Variants in SRRM4 observed in about 807,000 individuals in gnomAD.
The protein encoded by SRRM4 is serine/arginine repetitive matrix 4.
In SRRM4, 33 loss-of-function variants were observed where a neutral mutation model predicts 68.9. That is an observed-to-expected ratio of 0.48 (90% CI 0.36 to 0.64). The LOEUF (loss-of-function observed/expected upper bound fraction) is 0.64. SRRM4 is among the 30% of genes least tolerant of loss of function. The probability of loss-of-function intolerance (pLI) is 0.00; values close to 1 mark genes in which losing one functional copy is unlikely to be tolerated. For missense variants in SRRM4, 817 were observed against 827.1 expected, an observed-to-expected ratio of 0.99 and a Z score of 0.15; for synonymous variants, 318 against 318.8, an observed-to-expected ratio of 1.00 and a Z score of 0.03.
chr12:119,047,983 T>C (rs555075313), intron 1 of SRRM4, among the ~76,000 whole-genome samples: 1 of 152,362 alleles, frequency 6.6e-6, no homozygotes, highest in African/African-American at 2.4e-5. Context: ...GCAGTTCTTA[T>C]AAGAGACAAA....
chr12:119,138,397 C>A (rs747326597), intron 8 of SRRM4, among the ~76,000 whole-genome samples: 1 of 152,124 alleles, frequency 6.6e-6, no homozygotes, highest in Non-Finnish European at 1.5e-5. Flanking sequence ...CACTTCGGGG[C>A]GCATGGCTGA....
intron 1 of SRRM4, among the ~76,000 whole-genome samples, chr12:119,009,763 A>G (rs1315155457): frequency 6.6e-6 from 1 of 152,206 alleles, no homozygotes; most frequent in Non-Finnish European, 1.5e-5. Flanking sequence ...AGTCAGGGAT[A>G]CAAGAGAATG....
intron 1 of SRRM4, among the ~76,000 whole-genome samples, chr12:118,982,330 G>A (rs746492903): frequency 1.1e-4 from 17 of 152,180 alleles, no homozygotes; most frequent in Non-Finnish European, 1.5e-5. Context: ...GTGTCACAGA[G>A]TCCAGAGGGC....
chr12:119,046,059 A>G (rs2136014498), intron 1 of SRRM4, among the ~76,000 whole-genome samples: 2 of 151,136 alleles, frequency 1.3e-5, no homozygotes, highest in African/African-American at 4.8e-5. Flanking sequence ...ATAAAATTAA[A>G]AATAATAATA....
intron 1 of SRRM4, among the ~76,000 whole-genome samples, chr12:118,982,797 G>T (rs1268385930): frequency 1.3e-5 from 2 of 149,712 alleles, no homozygotes; most frequent in Non-Finnish European, 3.0e-5. Flanking sequence ...AGAAATGAAA[G>T]AAACAGGGGA....
At chr12:119,083,713 G>T (rs1416915934) in intron 1 of SRRM4, among the ~76,000 whole-genome samples, 1 of 152,196 alleles carries the variant, frequency 6.6e-6, no homozygotes, top group African/African-American at 2.4e-5. Flanking sequence ...TTGCTGGTCA[G>T]CTGGTGCTTT....
intron 1 of SRRM4, among the ~76,000 whole-genome samples, chr12:119,049,936 A>C (rs1334626677): frequency 6.6e-6 from 1 of 152,224 alleles, no homozygotes; most frequent in African/African-American, 2.4e-5. Flanking sequence ...TCACATTTTA[A>C]AAGGTCCTAT....
chr12:119,123,101 G>A (rs1954233065), intron 6 of SRRM4, among the ~76,000 whole-genome samples: 1 of 152,192 alleles, frequency 6.6e-6, no homozygotes. Context: ...CTTCTAAAGA[G>A]AGGATCAAAG....
rs114227291 is a variant in SRRM4, at chr12:119,010,581, C to T, written c.131+28568C>T. Among the ~76,000 whole-genome samples the T allele has an allele frequency of 3.1e-3, 470 of 152,326 alleles. 2 individuals carry two copies. The highest frequency in any genetic ancestry group is 0.01 in the African/African-American group (421 of 41,568). On this transcript the variant is annotated intron_variant, in intron 1 of 12. Transcript: ENST00000267260. ...TGGCAAAGATATCTGGGAATACGTA[C>T]ACTCATACATTGCTGTTAGGAGTGT... is the stretch of plus-strand genomic sequence containing the variant.
chr12:119,109,405 A>C (rs549915014), intron 2 of SRRM4, among the ~76,000 whole-genome samples: 25 of 152,268 alleles, frequency 1.6e-4, no homozygotes, highest in Non-Finnish European at 2.6e-4. Context: ...TAATATCCTG[A>C]AGAGTGTTTT....
intron 8 of SRRM4, among the ~76,000 whole-genome samples, chr12:119,136,930 G>A (rs191285049): frequency 6.6e-6 from 1 of 152,200 alleles, no homozygotes; most frequent in East Asian, 1.9e-4. Flanking sequence ...GGACTTTGTT[G>A]TCTTCCCACA....
At chr12:118,998,340 G>A (rs1953362824) in intron 1 of SRRM4, among the ~76,000 whole-genome samples, 1 of 147,892 alleles carries the variant, frequency 6.8e-6, no homozygotes, top group African/African-American at 2.5e-5. Context: ...TGGTAGTTGT[G>A]GTCTGGAGCA....
At chr12:119,043,991 C>T (rs371617704) in intron 1 of SRRM4, among the ~76,000 whole-genome samples, 14 of 152,282 alleles carry the variant, frequency 9.2e-5, no homozygotes, top group Middle Eastern at 3.4e-3. Flanking sequence ...CTCAACCTCC[C>T]AAGTAGCTGG....
intron 1 of SRRM4, among the ~76,000 whole-genome samples, chr12:119,047,780 A>T (rs1485607742): frequency 1.3e-5 from 2 of 152,182 alleles, no homozygotes; most frequent in African/African-American, 2.4e-5. Flanking sequence ...GAGCTGGTAC[A>T]CTGTCATTCT....
intron 1 of SRRM4, among the ~76,000 whole-genome samples, chr12:119,075,304 C>A (rs575502823): frequency 6.6e-6 from 1 of 152,106 alleles, no homozygotes; most frequent in African/African-American, 2.4e-5. Context: ...TAATAATTTT[C>A]TGATATTAAT....
At chr12:119,082,950 A>G (rs571971246) in intron 1 of SRRM4, among the ~76,000 whole-genome samples, 1 of 152,306 alleles carries the variant, frequency 6.6e-6, no homozygotes, top group East Asian at 1.9e-4. Flanking sequence ...AAGCTCAAGA[A>G]AGATCTGAGG....
chr12:118,988,825 C>G (rs1180155716), intron 1 of SRRM4, among the ~76,000 whole-genome samples: 1 of 151,868 alleles, frequency 6.6e-6, no homozygotes, highest in Admixed American at 6.6e-5. Flanking sequence ...ACAATAAAGC[C>G]AAGGAAAGGA....
chr12:118,993,240 T>A lies in SRRM4; in HGVS notation c.131+11227T>A, dbSNP rs75013182. On this transcript the variant is annotated intron_variant, in intron 1 of 12. Transcript: ENST00000267260. ...AAAGAGGTTGTTCACTGAGCAGGGA[T>A]CACCAGGCAAGGGTGGGAATGGTGT... Among the ~76,000 whole-genome samples the A allele has an allele frequency of 8.9e-3, 1,349 of 152,286 alleles. 29 individuals carry two copies. The East Asian group carries it at 0.1, about 12-fold the overall frequency.
chr12:119,044,199 C>A (rs1953689886), intron 1 of SRRM4, among the ~76,000 whole-genome samples: 1 of 152,190 alleles, frequency 6.6e-6, no homozygotes, highest in South Asian at 2.1e-4. Flanking sequence ...AGGGTGGCAC[C>A]AGGACCCAGC....
Sources: gnomAD v4.1 joint callset for allele counts (sites outside exome capture counted in the v4.1 genomes callset) on GRCh38, gnomAD v4.1.1 for gene constraint, MANE v1.5 for transcripts, NCBI Gene and HGNC (gene_info 2026-07-23, HGNC 2026-07-21) for gene names.